TMEM220: variants seen among roughly 807,000 people sequenced by gnomAD.
The protein encoded by TMEM220 is transmembrane protein 220.
Under a neutral mutation model 21.7 loss-of-function variants are expected in TMEM220, and 21 were observed. The observed-to-expected ratio is 0.97, with a 90% confidence interval of 0.69 to 1.39. The LOEUF is 1.39. TMEM220 is among the 40% of genes most tolerant of loss of function. The probability of loss-of-function intolerance (pLI) is 0.00; values close to 1 mark genes in which losing one functional copy is unlikely to be tolerated. For missense variants in TMEM220, 191 were observed against 201.9 expected (o/e 0.95, Z 0.33); for synonymous variants, 80 against 73.6 (o/e 1.09, Z -0.45).
In TMEM220 at chr17:10,729,879, G is replaced by A; in HGVS notation, c.-28C>T. On this transcript the variant is annotated 5_prime_UTR_variant, in exon 1 of 6. Coordinates refer to ENST00000341871, the MANE Select transcript of TMEM220 (RefSeq NM_001004313.3). ...CTCGGAGAACACGGCGCGGGGCGGT[G>A]AGTCCTGCCACGTGCGGGGCGGTGA... The A allele has an allele frequency of 7.8e-7, 1 of 1,289,734 alleles. No individual in the cohort carries two copies. Among genetic ancestry groups the A allele is most frequent in the Non-Finnish European group, 9.8e-7 (1 of 1,021,204 alleles). The allele number at this position is 1,289,734 out of a possible 1,614,324, so 79.9% of individuals were successfully genotyped here.
At chr17:10,720,565 C>T (rs1214039997) in intron 5 of TMEM220, among the ~76,000 whole-genome samples, 1 of 152,122 alleles carries the variant, frequency 6.6e-6, no homozygotes. Context: ...GCTATAGGGT[C>T]AGGGGGCTGG....
intron 5 of TMEM220, 79 bp from the exon 6 acceptor site, chr17:10,715,667 CACAT>C: frequency 2.8e-6 from 3 of 1,065,108 alleles, no homozygotes; most frequent in African/African-American, 1.6e-5. Flanking sequence ...ATTGATAAAA[CACAT>C]AATTACATTT....
intron 5 of TMEM220, chr17:10,716,014 C>G (rs1185288070): frequency 7.8e-6 from 4 of 512,742 alleles, no homozygotes; most frequent in African/African-American, 6.3e-5. Context: ...ACAAAATGTT[C>G]TTGATAATGG....
intron 4 of TMEM220, 44 bp downstream of exon 4, chr17:10,724,967 A>G (rs370613038): frequency 7.1e-5 from 115 of 1,612,912 alleles, no homozygotes; most frequent in African/African-American, 6.9e-4. Flanking sequence ...CCTTAGTTCT[A>G]TCCCACAGTT....
intron 5 of TMEM220, among the ~76,000 whole-genome samples, chr17:10,721,530 G>A (rs909991999): frequency 6.1e-5 from 9 of 147,806 alleles, no homozygotes; most frequent in African/African-American, 1.5e-4. Flanking sequence ...GCTTGAACCC[G>A]GGAGGCAGAG....
chr17:10,715,368 GA>G lies in TMEM220; in HGVS notation c.*84del. The G allele has an allele frequency of 7.4e-7, 1 of 1,348,350 alleles. No individual in the cohort carries two copies. Among genetic ancestry groups the G allele is most frequent in the Non-Finnish European group, 1.0e-6 (1 of 988,024 alleles). 83.5% of individuals were successfully genotyped at this position (1,348,350 alleles called of 1,614,324 possible). On this transcript the variant is annotated 3_prime_UTR_variant, in exon 6 of 6. Transcript: ENST00000341871. Reference sequence around the variant, plus strand: ...TTAAAACTATTAGCCCAAATTACCTGAAATAAACTCCTGGCTTGTTCCCCTA... The same window carrying G: ...TTAAAACTATTAGCCCAAATTACCTGAATAAACTCCTGGCTTGTTCCCCTA...
intron 5 of TMEM220, among the ~76,000 whole-genome samples, chr17:10,721,995 CTTTTT>C (rs139767679): frequency 1.6e-5 from 2 of 125,960 alleles, no homozygotes; most frequent in South Asian, 5.2e-4. Flanking sequence ...GTTTTTCTTT[CTTTTT>C]TTTTTTTTTT....
chr17:10,729,178 G>T, intron 1 of TMEM220, 118 bp from the exon 2 acceptor site: 1 of 1,173,060 alleles, frequency 8.5e-7, no homozygotes, highest in Non-Finnish European at 1.3e-6. Flanking sequence ...AATAGGCATC[G>T]AGGGTACAAA....
intron 4 of TMEM220, chr17:10,724,620 C>T (rs904170227): frequency 1.2e-5 from 2 of 166,790 alleles, no homozygotes; most frequent in Admixed American, 1.2e-4. Flanking sequence ...GATGGCTGCT[C>T]ATACTTGTAG....
Position 10,715,430 on chromosome 17 carries a change from A to C in TMEM220, c.*23T>G. Reference sequence around the variant, plus strand: ...AAAATTGATTGAAAATATTCATTTTAAAAACGAAGTTCTTGAATTTATTTA... The same window carrying C: ...AAAATTGATTGAAAATATTCATTTTCAAAACGAAGTTCTTGAATTTATTTA... On this transcript the variant is annotated 3_prime_UTR_variant, in exon 6 of 6. Coordinates refer to ENST00000341871, the MANE Select transcript of TMEM220 (RefSeq NM_001004313.3). 6.4e-7 allele frequency: 1 copy of C among 1,573,192 alleles called. No individual in the cohort carries two copies. The highest frequency in any genetic ancestry group is 1.2e-5 in the South Asian group (1 of 82,130).
downstream of TMEM220, among the ~76,000 whole-genome samples, chr17:10,711,734 T>C (rs975927880): frequency 3.9e-5 from 6 of 152,252 alleles, no homozygotes; most frequent in African/African-American, 1.4e-4. Context: ...ATGTGCCACC[T>C]GGCCTGGTCT....
intron 2 of TMEM220, among the ~76,000 whole-genome samples, chr17:10,727,058 A>G (rs568357377): frequency 1.3e-5 from 2 of 152,320 alleles, no homozygotes; most frequent in African/African-American, 4.8e-5. Context: ...TGAACTGTGA[A>G]TGAGGGAGGA....
Position 10,715,332 on chromosome 17 carries a change from T to A in TMEM220, c.*121A>T. 1.2e-6 allele frequency: 1 copy of A among 846,126 alleles called. No homozygotes were observed. The highest frequency in any genetic ancestry group is 1.7e-6 in the Non-Finnish European group (1 of 579,644). 52.4% of individuals were successfully genotyped at this position (846,126 alleles called of 1,614,324 possible). A position where few individuals can be genotyped will look rare whatever the true frequency, so the allele number is the denominator to read the frequency against. On this transcript the variant is annotated 3_prime_UTR_variant, in exon 6 of 6. Coordinates refer to ENST00000341871, the MANE Select transcript of TMEM220 (RefSeq NM_001004313.3). The stretch of plus-strand genomic sequence containing the variant: ...CGAATTATATGCACCCTTAAAAAGT[T>A]ATTTGGAGTTTTAAAACTATTAGCC...
chr17:10,720,548 A>AAGGGAAGCTATAGGGTCAGGGGGCT (rs1567585795), intron 5 of TMEM220, among the ~76,000 whole-genome samples: 1 of 152,216 alleles, frequency 6.6e-6, no homozygotes, highest in Non-Finnish European at 1.5e-5. Flanking sequence ...CCCATAGGGA[A>AAGGGAAGCTATAGGGTCAGGGGGCT]AGGGAAGCTA....
chr17:10,720,060 T>C (rs1338953234), intron 5 of TMEM220, among the ~76,000 whole-genome samples: 3 of 152,210 alleles, frequency 2.0e-5, no homozygotes, highest in Non-Finnish European at 4.4e-5. Flanking sequence ...TTTGATAACA[T>C]ACTCTGCTGG....
downstream of TMEM220, chr17:10,711,299 T>G: frequency 1.5e-6 from 1 of 683,562 alleles, no homozygotes; most frequent in East Asian, 2.8e-5. Context: ...TACTCAGAAA[T>G]GTTATTTTGG....
downstream of TMEM220, chr17:10,713,196 A>C (rs1156353304): frequency 6.6e-6 from 1 of 151,364 alleles, no homozygotes; most frequent in Non-Finnish European, 1.5e-5. Flanking sequence ...ACTTGAACCC[A>C]GGAGGTGGAG....
At position 10,713,499 on chromosome 17, in the gene TMEM220, A is replaced by G. The variant is rs919166277; in HGVS notation, c.*1954T>C. ...GAACATTACTGTCTTTAAGCACAGAAGTAAACATGACTTGGTCAATGGATA... is the reference window on the plus strand; with the variant it reads ...GAACATTACTGTCTTTAAGCACAGAGGTAAACATGACTTGGTCAATGGATA... On this transcript the variant is annotated 3_prime_UTR_variant, in exon 6 of 6. Coordinates refer to ENST00000341871, the MANE Select transcript of TMEM220 (RefSeq NM_001004313.3). 1.3e-5 allele frequency: 2 copies of G among 152,178 alleles called. No homozygotes were observed. The highest frequency in any genetic ancestry group is 2.4e-5 in the African/African-American group (1 of 41,454). 9.4% of individuals were successfully genotyped at this position (152,178 alleles called of 1,614,324 possible).
chr17:10,721,619 AGAAAAAAAG>A (rs1482712761), intron 5 of TMEM220, among the ~76,000 whole-genome samples: 15 of 129,698 alleles, frequency 1.2e-4, no homozygotes, highest in Admixed American at 2.5e-4. Flanking sequence ...AAAAAAAAAA[AGAAAAAAAG>A]AAAAAAAAGA....
Sources: allele counts gnomAD v4.1 joint callset (sites outside exome capture counted in the v4.1 genomes callset), GRCh38; gene constraint gnomAD v4.1.1; transcripts MANE v1.5; gene names NCBI Gene and HGNC (gene_info 2026-07-23, HGNC 2026-07-21).